The following MGST1 variants were observed in gnomAD, a reference collection of about 807,000 sequenced individuals.
The protein encoded by MGST1 is microsomal glutathione S-transferase 1, also known as glutathione S-transferase 12.
In MGST1, 5 loss-of-function variants were observed where a neutral mutation model predicts 8.9. The ratio of observed to expected loss-of-function variants is 0.56; its 90% CI spans 0.29 to 1.19. The LOEUF is 1.19. Among genes scored for constraint, MGST1 ranks in the 50% most tolerant of loss-of-function variants. MGST1 has a pLI of 0.08. For missense variants in MGST1, 182 were observed against 187.4 expected, an observed-to-expected ratio of 0.97 and a Z score of 0.17; for synonymous variants, 54 against 67.8, an observed-to-expected ratio of 0.80 and a Z score of 1.00.
intron 1 of MGST1, among the ~76,000 whole-genome samples, chr12:16,418,698 A>G (rs1940806663): frequency 6.6e-6 from 1 of 152,182 alleles, no homozygotes; most frequent in South Asian, 2.1e-4. Flanking sequence ...TGATATATGT[A>G]GACAAATTAT....
chr12:16,511,129 A>T (rs1941573994), intron 4 of MGST1, among the ~76,000 whole-genome samples: 1 of 152,258 alleles, frequency 6.6e-6, no homozygotes, highest in African/African-American at 2.4e-5. Context: ...TGCATTTTTA[A>T]AATTTTTTTG....
downstream of MGST1, among the ~76,000 whole-genome samples, chr12:16,369,306 C>T (rs1474329278): frequency 6.6e-6 from 1 of 152,088 alleles, no homozygotes; most frequent in Non-Finnish European, 1.5e-5. This position sits in a 1 kb window ranked among gnomAD's most constrained non-coding sequence, Gnocchi z 4.8. Context: ...ATAAGTCATC[C>T]TATGACTCAG....
downstream of MGST1, among the ~76,000 whole-genome samples, chr12:16,441,476 C>G (rs1462119140): frequency 6.6e-6 from 1 of 151,880 alleles, no homozygotes; most frequent in Non-Finnish European, 1.5e-5. Context: ...AAAAAATCCT[C>G]TGTGCTCTGC....
intron 4 of MGST1, among the ~76,000 whole-genome samples, chr12:16,483,408 A>G (rs185987116): frequency 2.0e-5 from 3 of 152,116 alleles, no homozygotes; most frequent in South Asian, 2.1e-4. Context: ...CTTCCAACCA[A>G]CGGTGTGAAA....
chr12:16,395,309 A>G (rs998332776), intron 1 of MGST1, among the ~76,000 whole-genome samples: 1 of 152,104 alleles, frequency 6.6e-6, no homozygotes, highest in Admixed American at 6.5e-5. Context: ...GTATCCATAT[A>G]TGTCCGTGTA....
In MGST1 at chr12:16,581,988, G is replaced by A. The variant is rs113831071; in HGVS notation, n.483-7540G>A. On this transcript the variant is annotated intron_variant and non_coding_transcript_variant, in intron 4 of 4. Transcript: ENST00000538857. ...TTTACTATTTATATTTATTTACTTC[G>A]TTTTCTTATCTTATTACATTGGCTA... is the stretch of plus-strand genomic sequence containing the variant. 3.9e-3 allele frequency among the ~76,000 whole-genome samples: 588 copies of A among 151,830 alleles called. 3 individuals carry two copies. Among genetic ancestry groups the A allele is most frequent in the Middle Eastern group, 0.01 (3 of 294 alleles).
chr12:16,592,067 A>T (rs1014188870), downstream of MGST1, among the ~76,000 whole-genome samples: 3 of 152,054 alleles, frequency 2.0e-5, no homozygotes, highest in Non-Finnish European at 1.5e-5. Flanking sequence ...CCCAGACTGG[A>T]TAGCTTATTC....
In MGST1 at chr12:16,364,009, T is replaced by C. The variant is rs918313419; in HGVS notation, c.436T>C (p.Tyr146His). 6.2e-7 allele frequency: 1 copy of C among 1,612,244 alleles called. No homozygotes were observed. Among genetic ancestry groups the C allele is most frequent in the Non-Finnish European group, 8.5e-7 (1 of 1,178,898 alleles). Reference protein sequence around the residue: ...VGYGVTLSMAYRLLKSKLYL With the variant: ...VGYGVTLSMAHRLLKSKLYL ...ATATGGAGTTACTCTTTCCATGGCTTACAGGTTGCTGAAAAGTAAATTGTA... is the reference window on the plus strand; with the variant it reads ...ATATGGAGTTACTCTTTCCATGGCTCACAGGTTGCTGAAAAGTAAATTGTA... Residue 146 changes from tyrosine (Y) to histidine (H), a missense_variant, in exon 4 of 4, where the codon TAC (tyrosine) becomes CAC (histidine). Tyr to His is a moderately conservative substitution (Grantham distance 83). Transcript: ENST00000396210. The surrounding 1 kb of genome is among the most constrained non-coding windows in gnomAD (Gnocchi z 5.7).
chr12:16,526,193 G>T (rs1343555695), intron 4 of MGST1, among the ~76,000 whole-genome samples: 3 of 151,128 alleles, frequency 2.0e-5, no homozygotes, highest in East Asian at 2.0e-4. Flanking sequence ...CATTGCTTTT[G>T]GTGTTTTAGA....
downstream of MGST1, among the ~76,000 whole-genome samples, chr12:16,380,614 A>G (rs536817418): frequency 1.3e-5 from 2 of 152,264 alleles, no homozygotes; most frequent in Admixed American, 6.5e-5. Context: ...AAGAATGTAT[A>G]TTCTGTTGAT....
chr12:16,449,232 A>G (rs538179221), intron 4 of MGST1, among the ~76,000 whole-genome samples: 10 of 152,042 alleles, frequency 6.6e-5, no homozygotes, highest in African/African-American at 2.2e-4. Context: ...ACTTACAATC[A>G]TGGCAGAAGG....
At chr12:16,449,889 A>G (rs551923010) in intron 4 of MGST1, among the ~76,000 whole-genome samples, 72 of 152,004 alleles carry the variant, frequency 4.7e-4, no homozygotes, top group African/African-American at 1.7e-3. Flanking sequence ...TCTCCACCTC[A>G]TTGGAATTGT....
At chr12:16,409,494 A>G (rs12369968) in intron 1 of MGST1, among the ~76,000 whole-genome samples, 27,813 of 152,052 alleles carry the variant, frequency 0.18, 3,002 homozygotes, top group East Asian at 0.43. Flanking sequence ...GGATCGCTGA[A>G]ATTATGAGAC....
intron 4 of MGST1, among the ~76,000 whole-genome samples, chr12:16,489,985 G>C (rs1941428355): frequency 6.6e-6 from 1 of 152,148 alleles, no homozygotes. Flanking sequence ...ACTTTAGGCT[G>C]GGTGTGGTGG....
In MGST1 at chr12:16,413,419, T is replaced by G. The variant is rs981726194; in HGVS notation, n.779-23969T>G. 6.6e-6 allele frequency among the ~76,000 whole-genome samples: 1 copy of G among 152,192 alleles called. No homozygotes were observed. Among genetic ancestry groups the G allele is most frequent in the Non-Finnish European group, 1.5e-5 (1 of 68,018 alleles). On this transcript the variant is annotated intron_variant and non_coding_transcript_variant, in intron 1 of 1. Coordinates refer to the MGST1 transcript ENST00000359720. The surrounding 1 kb of genome is among the most constrained non-coding windows in gnomAD (Gnocchi z 4.0). ...CTAACTCTCATCCAAGCAGCCCCATTGTGAACAGAACACTCAATTTTTAAT... is the reference window on the plus strand; with the variant it reads ...CTAACTCTCATCCAAGCAGCCCCATGGTGAACAGAACACTCAATTTTTAAT...
In MGST1 at chr12:16,482,110, A is replaced by C. The variant is rs1941368234; in HGVS notation, n.482+98506A>C. On this transcript the variant is annotated intron_variant and non_coding_transcript_variant, in intron 4 of 4. Transcript: ENST00000538857. This position sits in a 1 kb window ranked among gnomAD's most constrained non-coding sequence, Gnocchi z 4.2. Reference sequence around the variant, plus strand: ...AATAGTCAACATAAAATTGTATTCTAGCTAAATTTTACTTAAAACGCTGAA... The same window carrying C: ...AATAGTCAACATAAAATTGTATTCTCGCTAAATTTTACTTAAAACGCTGAA... 1.3e-5 allele frequency among the ~76,000 whole-genome samples: 2 copies of C among 152,220 alleles called. No homozygotes were observed. Among genetic ancestry groups the C allele is most frequent in the Admixed American group, 1.3e-4 (2 of 15,284 alleles).
chr12:16,377,472 G>T (rs866775006), downstream of MGST1, among the ~76,000 whole-genome samples: 1 of 151,906 alleles, frequency 6.6e-6, no homozygotes, highest in Non-Finnish European at 1.5e-5. Flanking sequence ...CAAAGGACAT[G>T]AACTCATCAT....
At chr12:16,425,967 A>C (rs1418483972) in intron 1 of MGST1, among the ~76,000 whole-genome samples, 1 of 152,114 alleles carries the variant, frequency 6.6e-6, no homozygotes. Flanking sequence ...GTTTTCTGTC[A>C]CTGATAAGTT....
chr12:16,392,355 T>G (rs1035244893), intron 1 of MGST1, among the ~76,000 whole-genome samples: 1 of 152,204 alleles, frequency 6.6e-6, no homozygotes, highest in Non-Finnish European at 1.5e-5. Context: ...CATGGTTAAT[T>G]TCATTGGCAC....
Sources: gnomAD v4.1 joint callset for allele counts (sites outside exome capture counted in the v4.1 genomes callset) on GRCh38, gnomAD v4.1.1 for gene constraint, Gnocchi (gnomAD v3.1) non-coding constraint, MANE v1.5 for transcripts, NCBI Gene and HGNC (gene_info 2026-07-23, HGNC 2026-07-21) for gene names.